Variants in ZNF609 observed in about 807,000 individuals in gnomAD.
ZNF609 encodes zinc finger protein 609.
A neutral mutation model predicts 109.5 loss-of-function variants in ZNF609; 11 were observed. That is an observed-to-expected ratio of 0.10 (90% confidence interval 0.06 to 0.17). The LOEUF is 0.17. Ranked by LOEUF, ZNF609 falls within the 10% of genes least tolerant of loss-of-function variation. The probability of loss-of-function intolerance (pLI) is 1.00; values close to 1 mark genes in which losing one functional copy is unlikely to be tolerated. For synonymous variants in ZNF609, 646 were observed against 662.0 expected (o/e 0.98, Z 0.37); for missense variants, 1,559 against 1,772.4 (o/e 0.88, Z 2.16).
intron 2 of ZNF609, among the ~76,000 whole-genome samples, chr15:64,514,162 A>C (rs140484109): frequency 1.2e-3 from 175 of 151,702 alleles, no homozygotes; most frequent in Middle Eastern, 7.0e-3. Context: ...CAATAAGCAG[A>C]ACAGCTGTGA....
intron 4 of ZNF609, among the ~76,000 whole-genome samples, chr15:64,670,641 G>T (rs1165589271): frequency 6.6e-6 from 1 of 152,098 alleles, no homozygotes; most frequent in Non-Finnish European, 1.5e-5. Flanking sequence ...CACTTTGGGA[G>T]GCTGAGGCAG....
intron 3 of ZNF609, among the ~76,000 whole-genome samples, chr15:64,656,957 G>C (rs2032262785): frequency 6.6e-6 from 1 of 152,120 alleles, no homozygotes; most frequent in African/African-American, 2.4e-5. Flanking sequence ...GCACAATGAC[G>C]GAGTATGGTA....
intron 2 of ZNF609, among the ~76,000 whole-genome samples, chr15:64,568,862 C>G (rs1408207752): frequency 6.6e-6 from 1 of 152,196 alleles, no homozygotes; most frequent in Non-Finnish European, 1.5e-5. Context: ...GAGTTAAATT[C>G]TAGCTTTGCT....
intron 2 of ZNF609, among the ~76,000 whole-genome samples, chr15:64,572,552 T>G (rs911112243): frequency 5.9e-5 from 9 of 152,202 alleles, no homozygotes; most frequent in African/African-American, 2.2e-4. Flanking sequence ...GATTTGTTCA[T>G]TGTTATTGCC....
intron 3 of ZNF609, among the ~76,000 whole-genome samples, chr15:64,630,036 C>A (rs746018847): frequency 6.6e-6 from 1 of 151,534 alleles, no homozygotes; most frequent in African/African-American, 2.4e-5. Context: ...AAATTTCCTT[C>A]TCTTTCCTTC....
intron 3 of ZNF609, among the ~76,000 whole-genome samples, chr15:64,633,273 A>T (rs1192320032): frequency 6.6e-6 from 1 of 151,804 alleles, no homozygotes; most frequent in African/African-American, 2.4e-5. Flanking sequence ...TCAACCTCCC[A>T]AGTAGCTGAG....
At chr15:64,672,904 C>T (rs969450854) in intron 4 of ZNF609, among the ~76,000 whole-genome samples, 4 of 146,542 alleles carry the variant, frequency 2.7e-5, no homozygotes, top group African/African-American at 7.7e-5. Context: ...TTGGAGGTTA[C>T]AGTGAGCCGA....
chr15:64,640,025 T>G (rs965926601), intron 3 of ZNF609, among the ~76,000 whole-genome samples: 72 of 152,214 alleles, frequency 4.7e-4, no homozygotes, highest in African/African-American at 1.7e-3. Flanking sequence ...GTTCAAGCGA[T>G]TCTCTTGTCT....
chr15:64,598,742 G>GTATATATATATATATATATATA (rs1169879124), intron 2 of ZNF609, among the ~76,000 whole-genome samples: 1 of 60,288 alleles, frequency 1.7e-5, no homozygotes, highest in Non-Finnish European at 3.1e-5. Flanking sequence ...CTTTGTGTGT[G>GTATATATATATATATATATATA]TATATATATA....
chr15:64,482,584 T>A (rs919200806), intron 1 of ZNF609, among the ~76,000 whole-genome samples: 2 of 152,086 alleles, frequency 1.3e-5, no homozygotes, highest in African/African-American at 4.8e-5. Context: ...TAAGAAGGGT[T>A]CAGAGTGAAG....
rs190515175 is a variant in ZNF609 at position 64,534,420 on chromosome 15, T to G, written c.747+34254T>G. Among the ~76,000 whole-genome samples, 693 of 152,214 alleles carry G rather than the reference T, an allele frequency of 4.6e-3. 1 individual carries two copies. Among genetic ancestry groups the G allele is most frequent in the African/African-American group, 0.016 (648 of 41,526 alleles). On this transcript the variant is annotated intron_variant, in intron 2 of 9. Coordinates refer to ENST00000326648, the MANE Select transcript of ZNF609 (RefSeq NM_015042.2). ...ACCTCCGCCTCCCGGGTTCAAGCGA[T>G]TCTCCTGCCTCAGCCTCCCAAGTAG...
chr15:64,460,398 C>T (rs1458943626), upstream of ZNF609, among the ~76,000 whole-genome samples: 1 of 152,132 alleles, frequency 6.6e-6, no homozygotes, highest in Non-Finnish European at 1.5e-5. Flanking sequence ...TTCCAGCATT[C>T]CCTGAGCTAA....
chr15:64,597,903 A>C lies in ZNF609; in HGVS notation c.748-24924A>C, dbSNP rs991972400. Among the ~76,000 whole-genome samples, 6 of 152,016 alleles carry C rather than the reference A, an allele frequency of 3.9e-5. No individual in the cohort carries two copies. In the East Asian group the frequency reaches 5.8e-4, roughly 15 times the overall value. On this transcript the variant is annotated intron_variant, in intron 2 of 9. Coordinates refer to ENST00000326648, the MANE Select transcript of ZNF609 (RefSeq NM_015042.2). The stretch of plus-strand genomic sequence containing the variant: ...CACACTATTCTCAATCTCTTCCCTT[A>C]CCTACCCTACCCTTATAGTAAGCCT...
chr15:64,562,017 C>T (rs1830951642), intron 2 of ZNF609, among the ~76,000 whole-genome samples: 1 of 152,176 alleles, frequency 6.6e-6, no homozygotes, highest in Non-Finnish European at 1.5e-5. Context: ...TAATGTACCA[C>T]CTGACATCAT....
chr15:64,480,791 G>T (rs16953511), intron 1 of ZNF609, among the ~76,000 whole-genome samples: 8,404 of 152,148 alleles, frequency 0.055, 780 homozygotes, highest in African/African-American at 0.19. Context: ...CAGAATAATG[G>T]GACTGAACTT....
At chr15:64,613,935 T>C (rs1895757275) in intron 2 of ZNF609, among the ~76,000 whole-genome samples, 1 of 151,358 alleles carries the variant, frequency 6.6e-6, no homozygotes, top group Non-Finnish European at 1.5e-5. Context: ...TTTTTCTGAT[T>C]TTTGTTTTGA....
chr15:64,535,594 A>T (rs1567007790), intron 2 of ZNF609, among the ~76,000 whole-genome samples: 1 of 152,146 alleles, frequency 6.6e-6, no homozygotes, highest in Non-Finnish European at 1.5e-5. Flanking sequence ...ATTTATATAC[A>T]GTTTTTTGTG....
Position 64,577,057 on chromosome 15 carries a change from C to CACATAA in ZNF609, c.748-45769_748-45768insCATAAA, listed in dbSNP as rs1567019119. The stretch of plus-strand genomic sequence containing the variant: ...ATGTATATATACACATAAATATATA[C>CACATAA]ATATATGTATATATACACAAATATA... On this transcript the variant is annotated intron_variant, in intron 2 of 9. Transcript: ENST00000326648. Among the ~76,000 whole-genome samples the CACATAA allele has an allele frequency of 5.6e-5, 2 of 35,854 alleles. 1 individual carries two copies. The highest frequency in any genetic ancestry group is 1.1e-4 in the Non-Finnish European group (2 of 18,802). The allele number at this position is 35,854 out of a possible 152,430, so 23.5% of individuals were successfully genotyped here.
chr15:64,635,691 A>G (rs1195200280), intron 3 of ZNF609, among the ~76,000 whole-genome samples: 1 of 152,220 alleles, frequency 6.6e-6, no homozygotes, highest in Non-Finnish European at 1.5e-5. Flanking sequence ...AGCTGCTGTA[A>G]CAATGATAGG....
Sources: allele counts gnomAD v4.1 joint callset (sites outside exome capture counted in the v4.1 genomes callset), GRCh38; gene constraint gnomAD v4.1.1; transcripts MANE v1.5; gene names NCBI Gene and HGNC (gene_info 2026-07-23, HGNC 2026-07-21).